The following EIF3E variants were observed in gnomAD, a reference collection of about 807,000 sequenced individuals.
EIF3E encodes eIF-3 p48.
EIF3E carries 25 observed loss-of-function variants against 59.3 expected under a neutral mutation model. The observed-to-expected ratio is 0.42, with a 90% CI of 0.31 to 0.59. The LOEUF (loss-of-function observed/expected upper bound fraction) is 0.59, where lower values mean the gene tolerates loss of function less well. EIF3E is among the 20% of genes least tolerant of loss of function. EIF3E has a pLI of 0.15. For missense variants in EIF3E, 317 were observed against 534.3 expected (o/e 0.59, Z 4.01); for synonymous variants, 176 against 170.2 (o/e 1.03, Z -0.26).
chr8:108,216,516 G>A lies in EIF3E; in HGVS notation c.850-3C>T. 2.5e-6 allele frequency: 4 copies of A among 1,578,444 alleles called. No homozygotes were observed. Among genetic ancestry groups the A allele is most frequent in the Non-Finnish European group, 3.5e-6 (4 of 1,153,532 alleles). On this transcript the variant is annotated splice_polypyrimidine_tract_variant and splice_region_variant and intron_variant, in intron 8 of 12. Coordinates refer to ENST00000220849, the MANE Select transcript of EIF3E (RefSeq NM_001568.3). ...GGGTCTTTATATGTGTAAGACTCCT[G>A]TAAAAATAAGTCAACGGTCAAGGTA...
intron 8 of EIF3E, 57 bp downstream of exon 8, chr8:108,217,277 G>A: frequency 7.5e-7 from 1 of 1,331,828 alleles, no homozygotes; most frequent in Non-Finnish European, 1.0e-6. Flanking sequence ...AGAAAAAGAG[G>A]TTAGACCTAA....
intron 10 of EIF3E, among the ~76,000 whole-genome samples, chr8:108,206,490 G>A (rs557296610): frequency 6.6e-6 from 1 of 152,060 alleles, no homozygotes; most frequent in South Asian, 2.1e-4. Flanking sequence ...TCCATTCTAG[G>A]CTGGATGTGG....
chr8:108,215,310 C>A (rs1290720937), intron 9 of EIF3E, among the ~76,000 whole-genome samples: 4 of 151,984 alleles, frequency 2.6e-5, no homozygotes, highest in South Asian at 2.1e-4. Context: ...TTTTCTATTC[C>A]ATCTAATGTT....
chr8:108,228,193 G>T, intron 7 of EIF3E, 74 bp downstream of exon 7: 1 of 1,372,224 alleles, frequency 7.3e-7, no homozygotes. Flanking sequence ...ATAGAAAAAA[G>T]TATATTTTAA....
chr8:108,232,271 A>T (rs1776700779), intron 5 of EIF3E, among the ~76,000 whole-genome samples: 1 of 152,152 alleles, frequency 6.6e-6, no homozygotes, highest in Non-Finnish European at 1.5e-5. Flanking sequence ...GCCTAACACA[A>T]ATGTTTTGTG....
At chr8:108,244,092 A>G (rs1815896930) in intron 1 of EIF3E, among the ~76,000 whole-genome samples, 1 of 152,280 alleles carries the variant, frequency 6.6e-6, no homozygotes, top group Non-Finnish European at 1.5e-5. Context: ...AAGTACTCAC[A>G]TGAAAAACGA....
In EIF3E at chr8:108,201,827, GT is replaced by G; in HGVS notation, c.*57del. 5.2e-6 allele frequency: 7 copies of G among 1,348,350 alleles called. No individual in the cohort carries two copies. Among genetic ancestry groups the G allele is most frequent in the Non-Finnish European group, 6.8e-6 (7 of 1,022,272 alleles). The allele number at this position is 1,348,350 out of a possible 1,614,324, so 83.5% of individuals were successfully genotyped here. ...AATGTAAGTCACCCTTTATATAATA[GT>G]TTTATTATTTCATCTTTCTTTGATA... is the stretch of plus-strand genomic sequence containing the variant. On this transcript the variant is annotated 3_prime_UTR_variant, in exon 13 of 13. Coordinates refer to ENST00000220849, the MANE Select transcript of EIF3E (RefSeq NM_001568.3).
At chr8:108,241,957 C>T in intron 1 of EIF3E, 44 bp from the exon 2 acceptor site, 1 of 1,345,126 alleles carries the variant, frequency 7.4e-7, no homozygotes, top group Non-Finnish European at 1.0e-6. Flanking sequence ...TTAAGTTCCC[C>T]AAATAAACTG....
chr8:108,246,083 A>C (rs1815942193), intron 1 of EIF3E, among the ~76,000 whole-genome samples: 1 of 152,218 alleles, frequency 6.6e-6, no homozygotes, highest in African/African-American at 2.4e-5. Context: ...CAATTAAGTT[A>C]GCATATACAG....
rs576254298 is a variant in EIF3E at position 108,223,752 on chromosome 8, T to G, written c.722+4515A>C. Among the ~76,000 whole-genome samples, 48 of 151,892 alleles carry G rather than the reference T, an allele frequency of 3.2e-4. 2 individuals carry two copies. The highest frequency in any genetic ancestry group is 1.1e-3 in the African/African-American group (45 of 41,166). On this transcript the variant is annotated intron_variant, in intron 7 of 12. Transcript: ENST00000220849. ...CCTTATCTTATATATTATGTTACAT[T>G]TAAAAGTTCAACACTTTTCAAATGT...
intron 1 of EIF3E, among the ~76,000 whole-genome samples, chr8:108,243,127 G>C (rs994337746): frequency 6.6e-6 from 1 of 152,140 alleles, no homozygotes; most frequent in South Asian, 2.1e-4. Flanking sequence ...ATTAACATTC[G>C]GCACTGAAAA....
intron 8 of EIF3E, among the ~76,000 whole-genome samples, chr8:108,216,896 C>G (rs183866126): frequency 4.6e-5 from 7 of 152,270 alleles, no homozygotes. Context: ...TATTTCTAAT[C>G]TACGGGTTTT....
chr8:108,210,237 C>G (rs1353965414), intron 10 of EIF3E, among the ~76,000 whole-genome samples: 1 of 152,044 alleles, frequency 6.6e-6, no homozygotes, highest in Non-Finnish European at 1.5e-5. Flanking sequence ...TATAAAGTCA[C>G]TAATTTACAG....
Position 108,214,736 on chromosome 8 carries a change from A to G in EIF3E, c.952-20T>C. On this transcript the variant is annotated intron_variant, in intron 9 of 12. Transcript: ENST00000220849. ...AAGCACCTATATGTACAAATACAAC[A>G]AAAATTAATGATGCTGACAAGCAAT... 6.3e-7 allele frequency: 1 copy of G among 1,579,802 alleles called. No homozygotes were observed. Among genetic ancestry groups the G allele is most frequent in the South Asian group, 1.2e-5 (1 of 85,834 alleles).
intron 2 of EIF3E, among the ~76,000 whole-genome samples, chr8:108,240,664 T>C (rs917236051): frequency 3.9e-5 from 6 of 152,176 alleles, no homozygotes; most frequent in Non-Finnish European, 5.9e-5. Context: ...CCAACTCTGG[T>C]AACACCTTAA....
rs1319611281 is a variant in EIF3E at position 108,225,689 on chromosome 8, A to C, written c.722+2578T>G. The stretch of plus-strand genomic sequence containing the variant: ...AAAGAATATTCACAATTATCGGAAA[A>C]GGATATTATTAATAAAACACACCTT... On this transcript the variant is annotated intron_variant, in intron 7 of 12. Transcript: ENST00000220849. Among the ~76,000 whole-genome samples, 4 of 151,552 alleles carry C rather than the reference A, an allele frequency of 2.6e-5. 1 individual carries two copies. The highest frequency in any genetic ancestry group is 2.6e-4 in the Admixed American group (4 of 15,274).
At chr8:108,235,224 TTA>T (rs1280827052) in intron 4 of EIF3E, 122 bp from the exon 5 acceptor site, 1 of 529,962 alleles carries the variant, frequency 1.9e-6, no homozygotes, top group South Asian at 4.1e-5. Context: ...AATGTATATT[TTA>T]TGAGTCAAAT....
At chr8:108,224,447 T>C (rs1054213741) in intron 7 of EIF3E, among the ~76,000 whole-genome samples, 9 of 151,338 alleles carry the variant, frequency 5.9e-5, no homozygotes, top group Admixed American at 4.6e-4. Context: ...ACTTCAAGAA[T>C]ATGAAGTCCA....
chr8:108,227,155 T>C (rs929861294), intron 7 of EIF3E: 1 of 152,024 alleles, frequency 6.6e-6, no homozygotes, highest in Non-Finnish European at 1.5e-5. Flanking sequence ...TGAAACCCTG[T>C]CTTACAAAAA....
Sources: allele counts gnomAD v4.1 joint callset (sites outside exome capture counted in the v4.1 genomes callset), GRCh38; gene constraint gnomAD v4.1.1; transcripts MANE v1.5; gene names NCBI Gene and HGNC (gene_info 2026-07-23, HGNC 2026-07-21).